The following DNAH7 variants were observed in gnomAD, a reference collection of about 807,000 sequenced individuals.
The protein encoded by DNAH7 is dynein axonemal heavy chain 7, also known as axonemal beta dynein heavy chain 7.
A neutral mutation model predicts 444.6 loss-of-function variants in DNAH7; 397 were observed. The observed-to-expected ratio is 0.89, with a 90% CI of 0.82 to 0.97. DNAH7 has a LOEUF of 0.97. Ranked by LOEUF, DNAH7 falls within the 50% of genes least tolerant of loss-of-function variation. DNAH7 has a pLI of 0.00. For synonymous variants in DNAH7, 1,636 were observed against 1,624.4 expected, an observed-to-expected ratio of 1.01 and a Z score of -0.17; for missense variants, 4,902 against 4,800.8, an observed-to-expected ratio of 1.02 and a Z score of -0.62.
chr2:195,770,232 T>C (rs535879875), intron 61 of DNAH7, among the ~76,000 whole-genome samples: 1 of 152,316 alleles, frequency 6.6e-6, no homozygotes, highest in South Asian at 2.1e-4. Flanking sequence ...TGTACTGCTG[T>C]TTCCCCATAA....
At chr2:195,847,608 T>C (rs1355645059) in intron 46 of DNAH7, among the ~76,000 whole-genome samples, 3 of 151,086 alleles carry the variant, frequency 2.0e-5, no homozygotes, top group African/African-American at 4.9e-5. Flanking sequence ...AATTTGGTTA[T>C]GTAAAAAACC....
At chr2:195,777,126 T>C (rs1695100208) in intron 59 of DNAH7, among the ~76,000 whole-genome samples, 1 of 152,176 alleles carries the variant, frequency 6.6e-6, no homozygotes, top group Non-Finnish European at 1.5e-5. Flanking sequence ...TTCTGTTGCT[T>C]GTGTTTAACT....
intron 19 of DNAH7, among the ~76,000 whole-genome samples, chr2:195,937,301 T>C (rs1027357820): frequency 2.0e-5 from 3 of 152,142 alleles, no homozygotes; most frequent in East Asian, 1.9e-4. Context: ...AGATCTTACA[T>C]TGTAAACAAT....
rs748430451 is a variant in DNAH7 at position 196,058,047 on chromosome 2, A to G, written c.78+7T>C. The G allele has an allele frequency of 1.3e-6, 2 of 1,510,800 alleles. No homozygotes were observed. The highest frequency in any genetic ancestry group is 2.8e-5 in the South Asian group (2 of 72,294). The allele number at this position is 1,510,800 out of a possible 1,614,324, so 93.6% of individuals were successfully genotyped here. On this transcript the variant is annotated splice_region_variant and intron_variant, in intron 2 of 64. Coordinates refer to ENST00000312428, the MANE Select transcript of DNAH7 (RefSeq NM_018897.3). ...GAATGAAGTATGATGGTATATTGGT[A>G]AATTACCATAGACAGCTGTGGTAGA...
chr2:195,947,076 G>A (rs918481131), intron 19 of DNAH7, among the ~76,000 whole-genome samples: 7 of 148,064 alleles, frequency 4.7e-5, no homozygotes, highest in African/African-American at 1.7e-4. Flanking sequence ...TCTCAATAAA[G>A]CCAATTATAT....
At chr2:195,758,245 G>A (rs939681418) in intron 61 of DNAH7, among the ~76,000 whole-genome samples, 5 of 152,134 alleles carry the variant, frequency 3.3e-5, no homozygotes, top group Non-Finnish European at 7.4e-5. Context: ...TGATAATGCC[G>A]CATTCTTAAA....
chr2:195,927,764 A>G (rs1010636289), intron 21 of DNAH7, among the ~76,000 whole-genome samples: 43 of 151,672 alleles, frequency 2.8e-4, no homozygotes, highest in African/African-American at 9.7e-4. Flanking sequence ...ATATATATAG[A>G]ATAACATATA....
intron 64 of DNAH7, among the ~76,000 whole-genome samples, chr2:195,740,344 C>T (rs1056365081): frequency 2.6e-5 from 4 of 152,172 alleles, no homozygotes; most frequent in South Asian, 2.1e-4. Flanking sequence ...CATGCCTCAA[C>T]GAAGCTCATA....
intron 60 of DNAH7, 58 bp downstream of exon 60, chr2:195,775,788 G>A (rs761695277): frequency 7.7e-5 from 120 of 1,553,654 alleles, no homozygotes; most frequent in Non-Finnish European, 9.4e-5. Flanking sequence ...GCTGGCACAC[G>A]TGCCTGGGGA....
At position 195,888,345 on chromosome 2, in the gene DNAH7, T is replaced by C; in HGVS notation, c.5319A>G (p.Ser1773=). ...TGAATTCCTTTTGAATAACACTGACTGACGCAGGTAACAGATTCACCCAGG... is the reference window on the plus strand; with the variant it reads ...TGAATTCCTTTTGAATAACACTGACCGACGCAGGTAACAGATTCACCCAGG... ...MLSWVNLLPA[S]VSVIQKEFIM... is the part of the protein sequence containing the mutation. The change falls in exon 33 of 65, where the codon TCA becomes TCG. Residue 1773 remains serine, a synonymous_variant. Transcript: ENST00000312428. 1 of 1,610,696 alleles carries C rather than the reference T, an allele frequency of 6.2e-7. No homozygotes were observed. The highest frequency in any genetic ancestry group is 8.5e-7 in the Non-Finnish European group (1 of 1,178,966).
Position 195,864,256 on chromosome 2 carries a change from T to C in DNAH7, c.7399A>G (p.Ser2467Gly), listed in dbSNP as rs1448982132. 1 of 1,614,192 alleles carries C rather than the reference T, an allele frequency of 6.2e-7. No individual in the cohort carries two copies. Among genetic ancestry groups the C allele is most frequent in the Admixed American group, 1.7e-5 (1 of 60,020 alleles). ...LFNMFIDHCR[S>G]QLHVVLAMSP... The stretch of plus-strand genomic sequence containing the variant: ...ATGGCAAGGACCACATGCAGTTGGC[T>C]GCGGCAATGATCAATAAACATGTTG... The change falls in exon 41 of 65, where the codon AGC (serine) becomes GGC (glycine). Residue 2467 changes from serine to glycine, a missense_variant. Ser to Gly is a moderately conservative substitution (Grantham distance 56). Coordinates refer to ENST00000312428, the MANE Select transcript of DNAH7 (RefSeq NM_018897.3).
At chr2:195,957,595 T>TA in intron 18 of DNAH7, 148 bp from the exon 19 acceptor site, 1 of 417,850 alleles carries the variant, frequency 2.4e-6, no homozygotes, top group South Asian at 8.0e-5. Context: ...TATAATGTTA[T>TA]ACAATTGTTA....
chr2:195,912,536 C>T (rs997147552), intron 24 of DNAH7, among the ~76,000 whole-genome samples: 6 of 152,160 alleles, frequency 3.9e-5, no homozygotes, highest in African/African-American at 1.4e-4. Context: ...AAAAGAGGGT[C>T]TGTGTGTGGT....
rs1389226208 is a variant in DNAH7 at position 195,888,265 on chromosome 2, T to C, written c.5399A>G (p.His1800Arg). 3 of 1,608,124 alleles carry C rather than the reference T, an allele frequency of 1.9e-6. No individual in the cohort carries two copies. Among genetic ancestry groups the C allele is most frequent in the Non-Finnish European group, 2.5e-6 (3 of 1,177,982 alleles). The change falls in exon 33 of 65, where the codon CAT becomes CGT. Residue 1800 changes from histidine to arginine, a missense_variant. By Grantham distance (29) the His-to-Arg change is conservative. Coordinates refer to ENST00000312428, the MANE Select transcript of DNAH7 (RefSeq NM_018897.3). ...VPVSVEFIRK[H>R]TKELSPTSDT... ...AATTCTCATTTCCCTTACCTTTGTA[T>C]GCTTTCTAATAAATTCAACCGAAAC...
At chr2:195,957,164 G>T in intron 19 of DNAH7, 97 bp downstream of exon 19, 1 of 1,032,230 alleles carries the variant, frequency 9.7e-7, no homozygotes, top group East Asian at 2.8e-5. Context: ...ACAGATAATG[G>T]CTTATTGGAA....
intron 40 of DNAH7, among the ~76,000 whole-genome samples, chr2:195,865,894 T>C (rs1351901728): frequency 6.6e-6 from 1 of 152,198 alleles, no homozygotes; most frequent in African/African-American, 2.4e-5. Context: ...CTCTGGTTCT[T>C]GTTTCTGTTG....
At chr2:196,032,740 A>C (rs920623178) in intron 5 of DNAH7, among the ~76,000 whole-genome samples, 1 of 152,238 alleles carries the variant, frequency 6.6e-6, no homozygotes, top group Non-Finnish European at 1.5e-5. Flanking sequence ...AAAATAGAAG[A>C]GGTAAAAACA....
intron 5 of DNAH7, among the ~76,000 whole-genome samples, chr2:196,035,243 TA>T (rs1239577060): frequency 8.5e-5 from 13 of 152,252 alleles, no homozygotes; most frequent in African/African-American, 2.4e-4. Flanking sequence ...GAATTTGTAT[TA>T]GGAAAAGACT....
rs1262322127 is a variant in DNAH7, at chr2:195,858,520, G to T, written c.8021C>A (p.Pro2674Gln). The T allele has an allele frequency of 6.2e-7, 1 of 1,613,218 alleles. No individual in the cohort carries two copies. Among genetic ancestry groups the T allele is most frequent in the African/African-American group, 1.3e-5 (1 of 74,956 alleles). ...GGCGGCCAGTGCTGACTCTAATATT[G>T]GCAAGGCACCTGCCAGGTCAGCATC... The part of the protein sequence containing the change: ...ECDADLAGAL[P>Q]ILESALAALD... The change falls in exon 43 of 65, where the codon CCA becomes CAA. Residue 2674 changes from proline to glutamine, a missense_variant. Pro to Gln is a moderately conservative substitution (Grantham distance 76). Transcript: ENST00000312428.
Sources: gnomAD v4.1 joint callset for allele counts (sites outside exome capture counted in the v4.1 genomes callset) on GRCh38, gnomAD v4.1.1 for gene constraint, MANE v1.5 for transcripts, NCBI Gene and HGNC (gene_info 2026-07-23, HGNC 2026-07-21) for gene names.